CPT1B: variants seen among roughly 807,000 people sequenced by gnomAD.
The protein encoded by CPT1B is carnitine O-palmitoyltransferase 1, muscle isoform.
CPT1B carries 57 observed loss-of-function variants against 92.7 expected under a neutral mutation model. The observed-to-expected ratio is 0.62, with a 90% CI of 0.50 to 0.77. CPT1B has a LOEUF of 0.77. CPT1B is among the 30% of genes least tolerant of loss of function. CPT1B has a pLI of 0.00. For synonymous variants in CPT1B, 398 were observed against 383.5 expected (o/e 1.04, Z -0.44); for missense variants, 983 against 1,017.4 (o/e 0.97, Z 0.46).
rs755150536 is a variant in CPT1B at position 50,577,899 on chromosome 22, T to C, written c.17A>G (p.Gln6Arg). 6.8e-6 allele frequency: 11 copies of C among 1,611,416 alleles called. No homozygotes were observed. The highest frequency in any genetic ancestry group is 1.1e-5 in the South Asian group (1 of 91,058). The change falls in exon 2 of 20, where the codon CAG (glutamine) becomes CGG (arginine). Residue 6 changes from glutamine to arginine, a missense_variant. Physicochemically the swap from Gln to Arg is conservative, Grantham distance 43. Transcript: ENST00000312108. ...CACCGTGAACTGGAAGGCCACGGCC[T>C]GGTGAGCTTCCGCCATCCTGGGGGT... MAEAH[Q>R]AVAFQFTVTP...
rs868688112 is a variant in CPT1B at position 50,571,181 on chromosome 22, C to T, written c.1852G>A (p.Ala618Thr). 3 of 1,614,146 alleles carry T rather than the reference C, an allele frequency of 1.9e-6. No homozygotes were observed. Among genetic ancestry groups the T allele is most frequent in the Admixed American group, 3.3e-5 (2 of 60,022 alleles). Residue 618 changes from alanine (A) to threonine (T), a missense_variant, in exon 15 of 20, where the codon GCC (alanine) becomes ACC (threonine). Transcript: ENST00000312108. Reference sequence around the variant, plus strand: ...ACTGTGTGGGACCCCTCCATCATGGCCTGCACAAAGGCTGTGGACTCGCTG... The same window carrying T: ...ACTGTGTGGGACCCCTCCATCATGGTCTGCACAAAGGCTGTGGACTCGCTG... ...CTSESTAFVQ[A>T]MMEGSHTKAD...
At chr22:50,570,820 T>C in intron 16 of CPT1B, 71 bp downstream of exon 16, 1 of 1,566,158 alleles carries the variant, frequency 6.4e-7, no homozygotes, top group South Asian at 1.2e-5. Context: ...CCGTGCTCCA[T>C]CATGAGATGG....
chr22:50,570,217 ACCTCAGGGCCTGCACTCGCCACTGAAAC>A, intron 17 of CPT1B, 48 bp downstream of exon 17: 1 of 1,076,932 alleles, frequency 9.3e-7, no homozygotes, highest in Non-Finnish European at 1.3e-6. Flanking sequence ...CTCTCGTCTG[ACCTCAGGGCCTGCACTCGCCACTGAAAC>A]CCTCAGGGCC....
intron 14 of CPT1B, 28 bp from the exon 15 acceptor site, chr22:50,571,320 CAGGTGG>C (rs990003005): frequency 6.2e-7 from 1 of 1,613,462 alleles, no homozygotes; most frequent in Admixed American, 1.7e-5. Context: ...GTGAATCTGG[CAGGTGG>C]ACCCTGGTAC....
intron 9 of CPT1B, among the ~76,000 whole-genome samples, chr22:50,574,084 GCTTTGGGCTGCAGCAGGACTCC>G (rs1304821095): frequency 1.1e-4 from 17 of 152,230 alleles, no homozygotes; most frequent in African/African-American, 4.1e-4. Context: ...TCTGTCCTAA[GCTTTGGGCTGCAGCAGGACTCC>G]CTTCACCATG....
In CPT1B at chr22:50,573,688, C is replaced by T. The variant is rs191569295; in HGVS notation, c.998G>A (p.Arg333Gln). Residue 333 changes from arginine to glutamine, a missense_variant, in exon 10 of 20, where the codon CGG (arginine) becomes CAG (glutamine). Physicochemically the swap from Arg to Gln is conservative, Grantham distance 43 (BLOSUM62 1). Coordinates refer to ENST00000312108, the MANE Select transcript of CPT1B (RefSeq NM_152246.3). This position sits in a 1 kb window ranked among gnomAD's most constrained non-coding sequence, Gnocchi z 5.0. ...TCCCTTGTGGTAGACAGCCACGTGCCGGCTGTCTGAGAGGTGCTGTAGCAC... is the reference window on the plus strand; with the variant it reads ...TCCCTTGTGGTAGACAGCCACGTGCTGGCTGTCTGAGAGGTGCTGTAGCAC... ...TDVLQHLSDS[R>Q]HVAVYHKGRF... is the part of the protein sequence containing the mutation. The T allele has an allele frequency of 2.9e-5, 46 of 1,612,862 alleles. No individual in the cohort carries two copies. Among genetic ancestry groups the T allele is most frequent in the Admixed American group, 2.8e-4 (17 of 60,004 alleles).
At position 50,572,863 on chromosome 22, in the gene CPT1B, G is replaced by A; in HGVS notation, c.1352+12C>T. 3 of 1,598,054 alleles carry A rather than the reference G, an allele frequency of 1.9e-6. No individual in the cohort carries two copies. The highest frequency in any genetic ancestry group is 2.6e-6 in the Non-Finnish European group (3 of 1,166,742). On this transcript the variant is annotated intron_variant, in intron 11 of 19. Coordinates refer to ENST00000312108, the MANE Select transcript of CPT1B (RefSeq NM_152246.3). The stretch of plus-strand genomic sequence containing the variant: ...CCTTAAGCTGTAACCTGTGGGGCTG[G>A]GGCTGCCGTACCTGTTGTAGCAGTT...
At position 50,572,214 on chromosome 22, in the gene CPT1B, G is replaced by A. The variant is rs778174538; in HGVS notation, c.1447C>T (p.His483Tyr). 2.5e-6 allele frequency: 4 copies of A among 1,613,054 alleles called. No individual in the cohort carries two copies. The South Asian group carries it at 3.3e-5, about 13-fold the overall frequency. The change falls in exon 12 of 20, where the codon CAC (histidine) becomes TAC (tyrosine). Residue 483 changes from histidine (H) to tyrosine (Y), a missense_variant. His to Tyr is a moderately conservative substitution (Grantham distance 83). Transcript: ENST00000312108. ...TGCAAGGCTATTACCTCCCAGAGGT[G>A]CCCAATGATGGGAGCATCTGCCCAC... ...HAWADAPIIG[H>Y]LWEFVLGTDS...
upstream of CPT1B, chr22:50,578,503 A>T (rs1392684683): frequency 1.9e-5 from 3 of 156,294 alleles, no homozygotes; most frequent in South Asian, 5.8e-4. Flanking sequence ...CTACTCCCAA[A>T]TCGGGGTCGG....
At position 50,573,136 on chromosome 22, in the gene CPT1B, G is replaced by A. The variant is rs2070262486; in HGVS notation, c.1167-76C>T. ...TGCCTCTGAGGGCCTGGCTGGACCT[G>A]GAGATGGGGGTGGGGTGCCAGGCTG... On this transcript the variant is annotated intron_variant, in intron 10 of 19. Transcript: ENST00000312108. The surrounding 1 kb of genome is among the most constrained non-coding windows in gnomAD (Gnocchi z 5.0). The A allele has an allele frequency of 1.5e-6, 2 of 1,304,100 alleles. No individual in the cohort carries two copies. Among genetic ancestry groups the A allele is most frequent in the Non-Finnish European group, 1.1e-6 (1 of 941,536 alleles). 80.8% of individuals were successfully genotyped at this position (1,304,100 alleles called of 1,614,324 possible).
chr22:50,574,767 G>A (rs17836732), intron 7 of CPT1B, 167 bp from the exon 8 acceptor site: 14,988 of 608,706 alleles, frequency 0.025, 611 homozygotes, highest in East Asian at 0.14. Context: ...ACAACTGATC[G>A]CAGTAACCCT....
At chr22:50,571,911 A>G (rs2146618434) in intron 13 of CPT1B, 95 bp downstream of exon 13, 1 of 1,167,296 alleles carries the variant, frequency 8.6e-7, no homozygotes, top group Non-Finnish European at 1.3e-6. Flanking sequence ...CCAGGCAGTG[A>G]GGCCAGCAGG....
intron 16 of CPT1B, 59 bp downstream of exon 16, chr22:50,570,832 C>T: frequency 1.3e-6 from 2 of 1,584,844 alleles, no homozygotes; most frequent in Non-Finnish European, 1.7e-6. Flanking sequence ...ATGAGATGGC[C>T]CAAGCCCTGC....
Position 50,569,616 on chromosome 22 carries a change from A to G in CPT1B, c.2195T>C (p.Ile732Thr), listed in dbSNP as rs199944176. ...GAACTTGCTGGAGATGTGGAAGAAG[A>G]TCGTGTTCTCGCCTGCAATCATGTA... ...VSYMIAGENT[I>T]FFHISSKFSS... Residue 732 changes from isoleucine (I) to threonine (T), a missense_variant, in exon 18 of 20, where the codon ATC becomes ACC. Coordinates refer to ENST00000312108, the MANE Select transcript of CPT1B (RefSeq NM_152246.3). 1 of 1,614,038 alleles carries G rather than the reference A, an allele frequency of 6.2e-7. No homozygotes were observed. Among genetic ancestry groups the G allele is most frequent in the East Asian group, 2.2e-5 (1 of 44,888 alleles).
chr22:50,570,496 G>T (rs2073604), intron 16 of CPT1B, 90 bp from the exon 17 acceptor site: 1 of 1,063,564 alleles, frequency 9.4e-7, no homozygotes, highest in Non-Finnish European at 1.4e-6. Context: ...AGCCAGACAC[G>T]GTTCTGCTGA....
chr22:50,570,496 G>A (rs2073604), intron 16 of CPT1B, 90 bp from the exon 17 acceptor site: 80,913 of 1,062,822 alleles, frequency 0.076, 5,938 homozygotes, highest in East Asian at 0.38. Flanking sequence ...AGCCAGACAC[G>A]GTTCTGCTGA....
chr22:50,576,525 G>A lies in CPT1B; in HGVS notation c.561+11C>T, dbSNP rs372203601. On this transcript the variant is annotated intron_variant, in intron 5 of 19. Coordinates refer to ENST00000312108, the MANE Select transcript of CPT1B (RefSeq NM_152246.3). ...CCCCTGCCCACTGGGATGCCCAAGC[G>A]AGGCCCTCACCCGCTGAATTGTGGC... 1,148 of 1,597,326 alleles carry A rather than the reference G, an allele frequency of 7.2e-4. 2 individuals are homozygous for A. Among genetic ancestry groups the A allele is most frequent in the Non-Finnish European group, 9.4e-4 (1,101 of 1,171,570 alleles).
chr22:50,574,939 A>G (rs566205896), intron 7 of CPT1B: 1 of 206,820 alleles, frequency 4.8e-6, no homozygotes, highest in Non-Finnish European at 9.7e-6. Context: ...AGTTGCAGGG[A>G]TTAGAGTCAT....
At chr22:50,571,923 G>T in intron 13 of CPT1B, 83 bp downstream of exon 13, 1 of 1,260,518 alleles carries the variant, frequency 7.9e-7, no homozygotes. Context: ...GCCAGCAGGG[G>T]AGGAGGAGGC....
Sources: allele counts gnomAD v4.1 joint callset (sites outside exome capture counted in the v4.1 genomes callset), GRCh38; gene constraint gnomAD v4.1.1; non-coding constraint Gnocchi (gnomAD v3.1); transcripts MANE v1.5; gene names NCBI Gene and HGNC (gene_info 2026-07-23, HGNC 2026-07-21).